Variants in CDKN2A observed in about 807,000 individuals in gnomAD.
CDKN2A encodes cyclin dependent kinase inhibitor 2A.
In CDKN2A, 3 loss-of-function variants were observed where a neutral mutation model predicts 11.1. That is an observed-to-expected ratio of 0.27 (90% CI 0.12 to 0.70). CDKN2A has a LOEUF of 0.70. Among genes scored for constraint, CDKN2A ranks in the 30% least tolerant of loss-of-function variants. The pLI is 0.77. For synonymous variants in CDKN2A, 122 were observed against 108.1 expected (o/e 1.13, Z -0.80); for missense variants, 265 against 233.6 (o/e 1.13, Z -0.88).
chr9:21,994,222 G>A lies in CDKN2A; in HGVS notation c.-175-169C>T, dbSNP rs1361441265. 1 of 1,605,278 alleles carries A rather than the reference G, an allele frequency of 6.2e-7. No homozygotes were observed. The highest frequency in any genetic ancestry group is 8.5e-7 in the Non-Finnish European group (1 of 1,179,470). On this transcript the variant is annotated intron_variant, in intron 1 of 3. Coordinates refer to the CDKN2A transcript ENST00000494262. ...GAGGGCCACAGCGGCGGGCGCCCCT[G>A]GCGCTGCCCACTCCCCCGTGAGCCG...
chr9:21,975,427 C>G (rs1412000596), upstream of CDKN2A, among the ~76,000 whole-genome samples: 2 of 152,146 alleles, frequency 1.3e-5, no homozygotes, highest in African/African-American at 4.8e-5. Flanking sequence ...GAGAGCCCCA[C>G]CGAGAATCGA....
In CDKN2A at chr9:21,993,799, CTGTGTGTGTGTGTGTGTGTGTG is replaced by C. The variant is rs71336508; in HGVS notation, c.-4+61_-4+82del. ...GTGTGCTTGAAATACACCTTTCCTACTGTGTGTGTGTGTGTGTGTGTGTGTGTGTGTGTGTGTGTGTGTGTGT... is the reference window on the plus strand; with the variant it reads ...GTGTGCTTGAAATACACCTTTCCTACTGTGTGTGTGTGTGTGTGTGTGTGT... On this transcript the variant is annotated intron_variant, in intron 2 of 3. Transcript: ENST00000494262. The C allele has an allele frequency of 1.2e-4, 30 of 247,490 alleles. No homozygotes were observed. In the East Asian group the frequency reaches 1.5e-3, roughly 12 times the overall value. The allele number at this position is 247,490 out of a possible 1,614,324, so 15.3% of individuals were successfully genotyped here.
In CDKN2A at chr9:21,968,223, G is replaced by C. The variant is rs375628411; in HGVS notation, c.*6C>G. On this transcript the variant is annotated 3_prime_UTR_variant, in exon 3 of 3. Coordinates refer to ENST00000304494, the MANE Select transcript of CDKN2A (RefSeq NM_000077.5). The surrounding 1 kb of genome is among the most constrained non-coding windows in gnomAD (Gnocchi z 4.7). ...CCCGAGGTTTCTCAGAGCCTCTCTG[G>C]TTCTTTCAATCGGGGATGTCTGCAG... 259 of 1,613,778 alleles carry C rather than the reference G, an allele frequency of 1.6e-4. 3 individuals are homozygous for C. In the South Asian group the frequency reaches 2.2e-3, roughly 14 times the overall value.
At chr9:21,992,915 C>G (rs1374389355) in intron 2 of CDKN2A, among the ~76,000 whole-genome samples, 1 of 151,962 alleles carries the variant, frequency 6.6e-6, no homozygotes, top group African/African-American at 2.4e-5. Context: ...CCCTGAAATC[C>G]TTTATAAGCT....
intron 2 of CDKN2A, chr9:21,969,521 A>T (rs1819587601): frequency 2.6e-6 from 1 of 384,412 alleles, no homozygotes; most frequent in South Asian, 1.4e-4. Context: ...GGTGTTGGGG[A>T]GTAAGAGAAG....
chr9:21,991,804 C>G lies in CDKN2A; in HGVS notation c.-4+2078G>C. Reference sequence around the variant, plus strand: ...ATATAAGTCTTGATTTCTGAAAGGGCTATGGTTCACTTGGAACACAATACA... The same window carrying G: ...ATATAAGTCTTGATTTCTGAAAGGGGTATGGTTCACTTGGAACACAATACA... On this transcript the variant is annotated intron_variant, in intron 2 of 3. Transcript: ENST00000494262. This position sits in a 1 kb window ranked among gnomAD's most constrained non-coding sequence, Gnocchi z 5.2. 1 of 985,160 alleles carries G rather than the reference C, an allele frequency of 1.0e-6. No homozygotes were observed. The highest frequency in any genetic ancestry group is 1.2e-6 in the Non-Finnish European group (1 of 829,750). The allele number at this position is 985,160 out of a possible 1,614,324, so 61.0% of individuals were successfully genotyped here. A position where few individuals can be genotyped will look rare whatever the true frequency, so the allele number is the denominator to read the frequency against.
In CDKN2A at chr9:21,991,286, G is replaced by C. The variant is rs1820423057; in HGVS notation, c.-4+2596C>G. Among the ~76,000 whole-genome samples, 1 of 150,776 alleles carries C rather than the reference G, an allele frequency of 6.6e-6. No individual in the cohort carries two copies. ...ACACAAATTCATACACTTTCTTAAA[G>C]TATCATGAGTTTTTTTTTTTTTTTA... On this transcript the variant is annotated intron_variant, in intron 2 of 3. Coordinates refer to the CDKN2A transcript ENST00000494262. The surrounding 1 kb of genome is among the most constrained non-coding windows in gnomAD (Gnocchi z 5.2).
chr9:21,970,583 T>A, intron 2 of CDKN2A: 1 of 580,314 alleles, frequency 1.7e-6, no homozygotes, highest in Non-Finnish European at 3.1e-6. Context: ...GCACTAGACC[T>A]CTAGCCTCTT....
Position 21,991,335 on chromosome 9 carries a change from T to TA in CDKN2A, c.-4+2546dup, listed in dbSNP as rs1360968553. ...TAAGCTCATCAGCTATTGTTAGTGT[T>TA]AGTGTATTTAATGTGTGTCCCAAGA... On this transcript the variant is annotated intron_variant, in intron 2 of 3. Coordinates refer to the CDKN2A transcript ENST00000494262. This position sits in a 1 kb window ranked among gnomAD's most constrained non-coding sequence, Gnocchi z 5.2. Among the ~76,000 whole-genome samples, 2 of 152,012 alleles carry TA rather than the reference T, an allele frequency of 1.3e-5. No homozygotes were observed. The highest frequency in any genetic ancestry group is 6.6e-5 in the Admixed American group (1 of 15,256).
intron 1 of CDKN2A, 43 bp from the exon 2 acceptor site, chr9:21,971,251 G>A (rs1198823500): frequency 2.5e-6 from 4 of 1,577,046 alleles, no homozygotes; most frequent in East Asian, 2.3e-5. Context: ...GTGGGGGCCG[G>A]CATGACGGAA....
In CDKN2A at chr9:21,991,110, A is replaced by G. The variant is rs1820419485; in HGVS notation, c.-4+2772T>C. ...TGTACCCATTGTTTATATAACTTAA[A>G]CTGCCAAAATAAAGCACCACAAAAA... On this transcript the variant is annotated intron_variant, in intron 2 of 3. Transcript: ENST00000494262. This position sits in a 1 kb window ranked among gnomAD's most constrained non-coding sequence, Gnocchi z 5.2. 1.3e-5 allele frequency among the ~76,000 whole-genome samples: 2 copies of G among 152,158 alleles called. No homozygotes were observed. The highest frequency in any genetic ancestry group is 2.4e-5 in the African/African-American group (1 of 41,444).
At position 21,974,634 on chromosome 9, in the gene CDKN2A, A is replaced by T. The variant is rs750771226; in HGVS notation, c.150+44T>A. On this transcript the variant is annotated intron_variant, in intron 1 of 2. Coordinates refer to ENST00000304494, the MANE Select transcript of CDKN2A (RefSeq NM_000077.5). This position sits in a 1 kb window ranked among gnomAD's most constrained non-coding sequence, Gnocchi z 5.2. ...TTCCCCTGCAAACTTCGTCCTCCAGAGTCGCCCGCCATCCCCTGCTCCCGC... is the reference window on the plus strand; with the variant it reads ...TTCCCCTGCAAACTTCGTCCTCCAGTGTCGCCCGCCATCCCCTGCTCCCGC... 1 of 1,614,166 alleles carries T rather than the reference A, an allele frequency of 6.2e-7. No individual in the cohort carries two copies. The highest frequency in any genetic ancestry group is 8.5e-7 in the Non-Finnish European group (1 of 1,180,014).
At chr9:21,994,578 C>A in intron 1 of CDKN2A, 1 of 969,506 alleles carries the variant, frequency 1.0e-6, no homozygotes, top group Non-Finnish European at 1.4e-6. Flanking sequence ...CTGAGCCCTG[C>A]GCACGCGGGA....
intron 1 of CDKN2A, chr9:21,994,474 A>T (rs1260149469): frequency 1.4e-6 from 2 of 1,399,240 alleles, no homozygotes; most frequent in Non-Finnish European, 1.9e-6. Context: ...GCAGGCGCGC[A>T]CCCGCCTTCC....
chr9:21,971,176 C>G lies in CDKN2A; in HGVS notation c.183G>C (p.Glu61Asp), dbSNP rs878853645. Reference protein sequence around the residue: ...VMMMGSARVAELLLLHGAEPN... With the variant: ...VMMMGSARVADLLLLHGAEPN... ...GCTCCGCGCCGTGGAGCAGCAGCAG[C>G]TCCGCCACTCGGGCGCTGCCCATCA... Residue 61 changes from glutamate to aspartate, a missense_variant, in exon 2 of 3, where the codon GAG (glutamate) becomes GAC (aspartate). Coordinates refer to ENST00000304494, the MANE Select transcript of CDKN2A (RefSeq NM_000077.5). 1 of 1,596,036 alleles carries G rather than the reference C, an allele frequency of 6.3e-7. No individual in the cohort carries two copies. The highest frequency in any genetic ancestry group is 8.5e-7 in the Non-Finnish European group (1 of 1,178,274).
At chr9:21,977,867 C>G (rs1025017040), upstream of CDKN2A, among the ~76,000 whole-genome samples, 11 of 152,098 alleles carry the variant, frequency 7.2e-5, no homozygotes, top group Admixed American at 3.3e-4. Flanking sequence ...ATTCCTACAT[C>G]AAGAACTCTT....
chr9:21,984,443 C>A lies in CDKN2A; in HGVS notation c.-4+9439G>T, dbSNP rs1054736388. On this transcript the variant is annotated intron_variant, in intron 2 of 3. Transcript: ENST00000494262. ...AACTACAGTTAAAACTGAGGAATTG[C>A]AAAATTTACTTTCTCTAAACTACTT... Among the ~76,000 whole-genome samples, 3 of 152,086 alleles carry A rather than the reference C, an allele frequency of 2.0e-5. No individual in the cohort carries two copies. The Middle Eastern group carries it at 0.01, about 517-fold the overall frequency.
intron 2 of CDKN2A, among the ~76,000 whole-genome samples, chr9:21,982,877 A>G (rs1039615574): frequency 1.3e-5 from 2 of 152,036 alleles, no homozygotes; most frequent in Non-Finnish European, 2.9e-5. Flanking sequence ...CAGACAAAAA[A>G]AAAAGCTCAG....
chr9:21,973,640 C>G (rs1162954123), intron 1 of CDKN2A, among the ~76,000 whole-genome samples: 1 of 152,138 alleles, frequency 6.6e-6, no homozygotes, highest in Non-Finnish European at 1.5e-5. Context: ...GGAGAAACAC[C>G]TCTGTTCAAA....
Sources: gnomAD v4.1 joint callset for allele counts (sites outside exome capture counted in the v4.1 genomes callset) on GRCh38, gnomAD v4.1.1 for gene constraint, Gnocchi (gnomAD v3.1) non-coding constraint, MANE v1.5 for transcripts, NCBI Gene and HGNC (gene_info 2026-07-23, HGNC 2026-07-21) for gene names.